MSI2: variants seen among roughly 807,000 people sequenced by gnomAD.
MSI2 encodes the protein musashi RNA binding protein 2.
MSI2 carries 17 observed loss-of-function variants against 45.6 expected under a neutral mutation model. The ratio of observed to expected loss-of-function variants is 0.37; its 90% CI spans 0.26 to 0.56. The LOEUF is 0.56. MSI2 is among the 20% of genes least tolerant of loss of function. The pLI, the probability that MSI2 is intolerant of heterozygous loss-of-function variation, is 0.77. For synonymous variants in MSI2, 156 were observed against 158.2 expected (o/e 0.99, Z 0.11); for missense variants, 293 against 444.2 (o/e 0.66, Z 3.06).
At chr17:57,694,354 G>A in the MSI2 span, among the ~76,000 whole-genome samples, 1 of 152,130 alleles carries the variant, frequency 6.6e-6, no homozygotes, top group Non-Finnish European at 1.5e-5. Context: ...CAGTGTTTCT[G>A]CTTCACTCTT....
chr17:57,691,617 C>G, the MSI2 span, among the ~76,000 whole-genome samples: 3 of 152,214 alleles, frequency 2.0e-5, no homozygotes, highest in East Asian at 5.8e-4. Context: ...TTAAAGGGTA[C>G]TTAACTTAAA....
intron 6 of MSI2, among the ~76,000 whole-genome samples, chr17:57,423,991 T>C (rs572442341): frequency 3.2e-4 from 48 of 152,358 alleles, no homozygotes; most frequent in South Asian, 8.3e-4. Flanking sequence ...GACAAGTATG[T>C]ATGAAGTTCA....
At chr17:57,339,931 C>T (rs1218238277) in intron 5 of MSI2, among the ~76,000 whole-genome samples, 1 of 152,114 alleles carries the variant, frequency 6.6e-6, no homozygotes, top group Non-Finnish European at 1.5e-5. Context: ...GGCGGTCCCT[C>T]AGAAGCTCAT....
intron 6 of MSI2, among the ~76,000 whole-genome samples, chr17:57,502,424 A>G: frequency 6.6e-6 from 1 of 151,758 alleles, no homozygotes; most frequent in East Asian, 1.9e-4. Context: ...CATTGATAAC[A>G]TGGAGACGAT....
intron 5 of MSI2, among the ~76,000 whole-genome samples, chr17:57,390,313 A>G (rs1480736823): frequency 6.6e-6 from 1 of 152,178 alleles, no homozygotes; most frequent in Non-Finnish European, 1.5e-5. Flanking sequence ...TAGATGGCAG[A>G]AGTAGCTTCT....
At chr17:57,377,019 C>G (rs1177228075) in intron 5 of MSI2, among the ~76,000 whole-genome samples, 2 of 151,752 alleles carry the variant, frequency 1.3e-5, no homozygotes, top group African/African-American at 4.8e-5. Context: ...CTCCTGGGTT[C>G]ATGCCATTCT....
intron 6 of MSI2, among the ~76,000 whole-genome samples, chr17:57,429,890 G>T (rs2084563745): frequency 6.6e-6 from 1 of 152,190 alleles, no homozygotes; most frequent in Non-Finnish European, 1.5e-5. Flanking sequence ...CTGGGAGCAG[G>T]CAGGCCTGGC....
chr17:57,450,367 T>TAAAGAAAGAA (rs144094118), intron 6 of MSI2: 1 of 151,948 alleles, frequency 6.6e-6, no homozygotes, highest in Admixed American at 6.6e-5. Context: ...TCACTTTCCT[T>TAAAGAAAGAA]AGAAAAAAAT....
chr17:57,687,317 G>C (rs986827165), downstream of MSI2, among the ~76,000 whole-genome samples: 3 of 151,778 alleles, frequency 2.0e-5, no homozygotes, highest in Non-Finnish European at 2.9e-5. Context: ...AAAAGAAATT[G>C]ATAAATAGAA....
At chr17:57,297,532 C>T (rs1911084267) in intron 5 of MSI2, among the ~76,000 whole-genome samples, 1 of 152,152 alleles carries the variant, frequency 6.6e-6, no homozygotes, top group African/African-American at 2.4e-5. Context: ...TTGATGGCTG[C>T]TGACTGATCA....
intron 6 of MSI2, among the ~76,000 whole-genome samples, chr17:57,458,609 G>A (rs2085162707): frequency 6.6e-6 from 1 of 152,152 alleles, no homozygotes; most frequent in South Asian, 2.1e-4. Flanking sequence ...TGGCTACATG[G>A]ATGGAGAGCC....
chr17:57,477,031 C>G (rs2085550585), intron 6 of MSI2, among the ~76,000 whole-genome samples: 1 of 152,114 alleles, frequency 6.6e-6, no homozygotes, highest in African/African-American at 2.4e-5. Flanking sequence ...GGGACTTTCT[C>G]ATAGTGGGGA....
At chr17:57,297,997 A>T (rs1249225316) in intron 5 of MSI2, among the ~76,000 whole-genome samples, 2 of 151,540 alleles carry the variant, frequency 1.3e-5, no homozygotes, top group Non-Finnish European at 2.9e-5. Context: ...AAAATCATGC[A>T]TGAGGGTTGG....
chr17:57,654,228 C>T, intron 11 of MSI2, among the ~76,000 whole-genome samples: 1 of 152,198 alleles, frequency 6.6e-6, no homozygotes, highest in South Asian at 2.1e-4. Context: ...TTGGGATGTG[C>T]CCCAGGGCAA....
At chr17:57,334,521 C>T (rs927667314) in intron 5 of MSI2, among the ~76,000 whole-genome samples, 9 of 152,156 alleles carry the variant, frequency 5.9e-5, no homozygotes, top group Admixed American at 3.9e-4. Flanking sequence ...TGGCCGGGTG[C>T]GATGGCTCAT....
chr17:57,595,613 A>G (rs1292010790), intron 7 of MSI2, among the ~76,000 whole-genome samples: 1 of 151,910 alleles, frequency 6.6e-6, no homozygotes, highest in Non-Finnish European at 1.5e-5. Flanking sequence ...TCTTTCTGTA[A>G]GGGCACTAAT....
chr17:57,495,266 C>G (rs907524841), intron 6 of MSI2, among the ~76,000 whole-genome samples: 1 of 152,132 alleles, frequency 6.6e-6, no homozygotes, highest in Non-Finnish European at 1.5e-5. Context: ...GGCACGGTGG[C>G]TCACGCCCAT....
intron 11 of MSI2, among the ~76,000 whole-genome samples, chr17:57,655,203 C>T (rs1471721725): frequency 6.6e-6 from 1 of 152,172 alleles, no homozygotes; most frequent in African/African-American, 2.4e-5. Flanking sequence ...CTGCCGACTC[C>T]TAGATAACTT....
chr17:57,637,675 A>C (rs1909943338), intron 10 of MSI2, among the ~76,000 whole-genome samples: 1 of 152,242 alleles, frequency 6.6e-6, no homozygotes, highest in Non-Finnish European at 1.5e-5. Flanking sequence ...CTGTCAAATC[A>C]GGCTATTGAT....
Sources: allele counts gnomAD v4.1 joint callset (sites outside exome capture counted in the v4.1 genomes callset), GRCh38; gene constraint gnomAD v4.1.1; transcripts MANE v1.5; gene names NCBI Gene and HGNC (gene_info 2026-07-23, HGNC 2026-07-21).